The following KAZN variants were observed in gnomAD, a reference collection of about 807,000 sequenced individuals.
KAZN encodes kazrin.
Under a neutral mutation model 87.4 loss-of-function variants are expected in KAZN, and 40 were observed. The observed-to-expected ratio is 0.46, with a 90% CI of 0.36 to 0.60. The LOEUF (loss-of-function observed/expected upper bound fraction) is 0.60, where lower values mean the gene tolerates loss of function less well. Ranked by LOEUF, KAZN falls within the 20% of genes least tolerant of loss-of-function variation. KAZN has a pLI of 0.00. For missense variants in KAZN, 898 were observed against 1,073.9 expected (o/e 0.84, Z 2.29); for synonymous variants, 466 against 458.3 (o/e 1.02, Z -0.22).
intron 2 of KAZN, among the ~76,000 whole-genome samples, chr1:14,418,712 A>G (rs1357143390): frequency 6.6e-6 from 1 of 152,194 alleles, no homozygotes; most frequent in African/African-American, 2.4e-5. Context: ...CTTTTTGTCT[A>G]TGATCTGATC....
intron 2 of KAZN, among the ~76,000 whole-genome samples, chr1:14,490,341 G>T (rs540272995): frequency 6.6e-6 from 1 of 152,256 alleles, no homozygotes; most frequent in Non-Finnish European, 1.5e-5. Context: ...TTTGCTTTTT[G>T]AGAGACACAG....
chr1:14,158,415 G>T (rs927545792), intron 1 of KAZN, among the ~76,000 whole-genome samples: 2 of 151,872 alleles, frequency 1.3e-5, no homozygotes, highest in Non-Finnish European at 2.9e-5. Context: ...TTTTCAGTAT[G>T]CCAATTGCAT....
At chr1:14,609,970 C>T (rs150312590) in intron 1 of KAZN, among the ~76,000 whole-genome samples, 188 of 152,342 alleles carry the variant, frequency 1.2e-3, no homozygotes, top group East Asian at 7.1e-3. Flanking sequence ...GTCTGACCTT[C>T]GCTGGGCCAC....
intron 1 of KAZN, among the ~76,000 whole-genome samples, chr1:14,686,541 G>A (rs1057493248): frequency 7.9e-5 from 12 of 152,220 alleles, no homozygotes; most frequent in Admixed American, 6.5e-4. Context: ...TTTTTACAAT[G>A]AACATCATTG....
intron 2 of KAZN, among the ~76,000 whole-genome samples, chr1:15,008,149 G>A (rs1471342307): frequency 1.3e-5 from 2 of 152,212 alleles, no homozygotes; most frequent in African/African-American, 4.8e-5. Flanking sequence ...TGGAAGCTCA[G>A]CCCGAAGCTT....
intron 2 of KAZN, among the ~76,000 whole-genome samples, chr1:14,279,444 A>G (rs927034202): frequency 6.6e-6 from 1 of 152,218 alleles, no homozygotes; most frequent in Non-Finnish European, 1.5e-5. Context: ...GCATTTTTAA[A>G]CAATAGAGAT....
chr1:15,045,503 G>A (rs2100356624), intron 4 of KAZN, among the ~76,000 whole-genome samples: 1 of 152,320 alleles, frequency 6.6e-6, no homozygotes, highest in East Asian at 1.9e-4. Context: ...TCCCCTAGAA[G>A]ATAACTTCTA....
intron 1 of KAZN, among the ~76,000 whole-genome samples, chr1:14,765,060 G>T (rs1452856717): frequency 6.6e-6 from 1 of 152,196 alleles, no homozygotes; most frequent in East Asian, 1.9e-4. Flanking sequence ...CAAGACTAGT[G>T]CTTCTCTCTC....
At chr1:14,106,946 TTCCCCTTCCCTCCC>T (rs1644386912) in intron 1 of KAZN, among the ~76,000 whole-genome samples, 1 of 74,766 alleles carries the variant, frequency 1.3e-5, no homozygotes, top group Non-Finnish European at 2.6e-5. Flanking sequence ...CCCTCCCTCC[TTCCCCTTCCCTCCC>T]TCCCCGTCCC....
chr1:14,925,513 T>A (rs1659077937), intron 1 of KAZN, among the ~76,000 whole-genome samples: 1 of 152,174 alleles, frequency 6.6e-6, no homozygotes, highest in Non-Finnish European at 1.5e-5. Flanking sequence ...GGCTGTGTTA[T>A]CTCCATGCAG....
intron 2 of KAZN, among the ~76,000 whole-genome samples, chr1:14,973,659 G>T (rs906673559): frequency 6.6e-6 from 1 of 152,138 alleles, no homozygotes; most frequent in Admixed American, 6.5e-5. Flanking sequence ...TACTGATAAC[G>T]CTTGGTACTG....
chr1:15,076,854 T>C (rs742660), intron 8 of KAZN, among the ~76,000 whole-genome samples: 49,376 of 152,084 alleles, frequency 0.32, 9,660 homozygotes, highest in East Asian at 0.77. Flanking sequence ...ACTGCAAACA[T>C]ATATTAGGGT....
chr1:14,013,743 C>T (rs1640432182), intron 1 of KAZN, among the ~76,000 whole-genome samples: 1 of 152,188 alleles, frequency 6.6e-6, no homozygotes, highest in Non-Finnish European at 1.5e-5. Context: ...GGAAGCATTC[C>T]TCCTTCAGCA....
intron 2 of KAZN, among the ~76,000 whole-genome samples, chr1:14,421,427 A>G (rs975056206): frequency 7.9e-5 from 12 of 152,202 alleles, no homozygotes; most frequent in Admixed American, 6.5e-4. Context: ...GAGGAAAGCC[A>G]CATTGGGAGA....
At chr1:13,940,803 G>A (rs1384378812) in intron 1 of KAZN, among the ~76,000 whole-genome samples, 1 of 152,154 alleles carries the variant, frequency 6.6e-6, no homozygotes, top group Non-Finnish European at 1.5e-5. Flanking sequence ...AACTTTTACA[G>A]TGAGTTGTTG....
intron 1 of KAZN, among the ~76,000 whole-genome samples, chr1:14,680,546 A>AT (rs764290503): frequency 6.6e-6 from 1 of 152,122 alleles, no homozygotes; most frequent in Non-Finnish European, 1.5e-5. Context: ...TGCTGCACCC[A>AT]TCAACCCGTC....
intron 1 of KAZN, among the ~76,000 whole-genome samples, chr1:14,089,535 G>T (rs1416266472): frequency 1.3e-5 from 2 of 152,030 alleles, no homozygotes; most frequent in Non-Finnish European, 2.9e-5. Flanking sequence ...ATAGGATATT[G>T]TCAGAACCTT....
chr1:14,475,137 T>TGATGGATG (rs538602227), intron 2 of KAZN, among the ~76,000 whole-genome samples: 53 of 151,698 alleles, frequency 3.5e-4, no homozygotes, highest in Admixed American at 2.5e-3. Context: ...GATATTGAAT[T>TGATGGATG]GATGGATGGA....
intron 1 of KAZN, among the ~76,000 whole-genome samples, chr1:14,875,072 C>T (rs1264436666): frequency 6.6e-6 from 1 of 151,996 alleles, no homozygotes; most frequent in Non-Finnish European, 1.5e-5. Context: ...TGGCTCACAC[C>T]TGTAATCCCA....
Sources: gnomAD v4.1 joint callset for allele counts (sites outside exome capture counted in the v4.1 genomes callset) on GRCh38, gnomAD v4.1.1 for gene constraint, MANE v1.5 for transcripts, NCBI Gene and HGNC (gene_info 2026-07-23, HGNC 2026-07-21) for gene names.